WIPF3: variants seen among roughly 807,000 people sequenced by gnomAD.
WIPF3 encodes WAS/WASL-interacting protein family member 3.
WIPF3 carries 33 observed loss-of-function variants against 38.9 expected under a neutral mutation model. That is an observed-to-expected ratio of 0.85 (90% CI 0.64 to 1.14). WIPF3 has a LOEUF of 1.14. WIPF3 is among the 50% of genes most tolerant of loss of function. The probability of loss-of-function intolerance (pLI) is 0.00; values close to 1 mark genes in which losing one functional copy is unlikely to be tolerated. For synonymous variants in WIPF3, 324 were observed against 269.3 expected, an observed-to-expected ratio of 1.20 and a Z score of -1.99; for missense variants, 711 against 652.5, an observed-to-expected ratio of 1.09 and a Z score of -0.98.
intron 1 of WIPF3, among the ~76,000 whole-genome samples, 182 bp downstream of exon 1, chr7:29,806,860 C>G (rs1449223402): frequency 1.3e-5 from 2 of 151,366 alleles, no homozygotes; most frequent in East Asian, 2.0e-4. Flanking sequence ...AGGTTGTCGA[C>G]GTGCCGCGCG....
chr7:29,882,644 G>A (rs1785745194), intron 4 of WIPF3, among the ~76,000 whole-genome samples: 1 of 152,108 alleles, frequency 6.6e-6, no homozygotes, highest in Non-Finnish European at 1.5e-5. Context: ...CCCCTGATTG[G>A]GGTAAACACA....
rs1047564159 is a variant in WIPF3, at chr7:29,835,304, C to T, written c.90+490C>T. Reference sequence around the variant, plus strand: ...TTTCCCTATCTACACAAGACTGAATCGAGGCTATTTCAGTTCGTGTTGCTG... The same window carrying T: ...TTTCCCTATCTACACAAGACTGAATTGAGGCTATTTCAGTTCGTGTTGCTG... On this transcript the variant is annotated intron_variant, in intron 2 of 8. Coordinates refer to ENST00000242140, the MANE Select transcript of WIPF3 (RefSeq NM_001080529.3). Among the ~76,000 whole-genome samples the T allele has an allele frequency of 9.2e-5, 14 of 152,056 alleles. 1 individual carries two copies. Among genetic ancestry groups the T allele is most frequent in the Admixed American group, 7.9e-4 (12 of 15,272 alleles).
chr7:29,828,047 T>C (rs1409072492), intron 1 of WIPF3, among the ~76,000 whole-genome samples: 30 of 152,098 alleles, frequency 2.0e-4, no homozygotes, highest in Admixed American at 2.0e-3. Flanking sequence ...TATCTACCCA[T>C]GTCGGCCTCC....
At position 29,914,594 on chromosome 7, in the gene WIPF3, C is replaced by T. The variant is rs1194201435; in HGVS notation, c.*78C>T. 24 of 1,109,550 alleles carry T rather than the reference C, an allele frequency of 2.2e-5. No homozygotes were observed. The highest frequency in any genetic ancestry group is 1.6e-5 in the Non-Finnish European group (13 of 824,082). 68.7% of individuals were successfully genotyped at this position (1,109,550 alleles called of 1,614,324 possible). On this transcript the variant is annotated 3_prime_UTR_variant, in exon 9 of 9. Transcript: ENST00000242140. ...AGACCCCACCCACCCCATGCTCAAG[C>T]TGTAATTCAGTTGGCATACAGGCTT...
chr7:29,851,492 T>C (rs1303249377), intron 2 of WIPF3, among the ~76,000 whole-genome samples: 4 of 152,146 alleles, frequency 2.6e-5, no homozygotes, highest in Non-Finnish European at 5.9e-5. Context: ...GACCACTCCC[T>C]CCTCACCATT....
intron 4 of WIPF3, among the ~76,000 whole-genome samples, chr7:29,879,551 G>A (rs925293131): frequency 3.9e-5 from 6 of 152,208 alleles, no homozygotes; most frequent in Admixed American, 3.9e-4. Context: ...GTACTGCTGT[G>A]TAACGAAACA....
At chr7:29,870,671 C>T (rs1785478772) in intron 2 of WIPF3, among the ~76,000 whole-genome samples, 1 of 152,172 alleles carries the variant, frequency 6.6e-6, no homozygotes, top group African/African-American at 2.4e-5. Flanking sequence ...TTTGCTTTAC[C>T]TCCAGGGAAG....
At chr7:29,848,303 G>A (rs1175469316) in intron 2 of WIPF3, among the ~76,000 whole-genome samples, 1 of 152,164 alleles carries the variant, frequency 6.6e-6, no homozygotes, top group Non-Finnish European at 1.5e-5. Context: ...TAAACATTTG[G>A]AGAGGACTTT....
intron 2 of WIPF3, among the ~76,000 whole-genome samples, chr7:29,852,194 AC>A (rs1785110513): frequency 1.3e-5 from 2 of 152,048 alleles, no homozygotes; most frequent in South Asian, 4.1e-4. Context: ...TTTTGTAGAG[AC>A]AGGTCTCGCT....
chr7:29,834,631 A>C, intron 1 of WIPF3, 37 bp from the exon 2 acceptor site: 4 of 1,388,382 alleles, frequency 2.9e-6, no homozygotes, highest in Non-Finnish European at 3.7e-6. Context: ...TAAGTAAAGA[A>C]ATCCAAGTTT....
chr7:29,836,959 C>T (rs1311645269), intron 2 of WIPF3, among the ~76,000 whole-genome samples: 1 of 151,970 alleles, frequency 6.6e-6, no homozygotes, highest in Non-Finnish European at 1.5e-5. Context: ...CCACTGCACT[C>T]CAGCCTGGGT....
chr7:29,909,947 C>T (rs1041163092), intron 8 of WIPF3, among the ~76,000 whole-genome samples: 6 of 151,078 alleles, frequency 4.0e-5, no homozygotes, highest in Admixed American at 2.0e-4. Flanking sequence ...TACAAACTAG[C>T]GGGGGAGTGG....
chr7:29,901,793 A>G (rs1419711452), intron 7 of WIPF3, among the ~76,000 whole-genome samples: 6 of 144,642 alleles, frequency 4.1e-5, no homozygotes, highest in Non-Finnish European at 9.0e-5. Context: ...AGCTGAGATC[A>G]TGCCACTGCG....
chr7:29,835,517 G>C (rs1171264891), intron 2 of WIPF3, among the ~76,000 whole-genome samples: 1 of 152,094 alleles, frequency 6.6e-6, no homozygotes, highest in African/African-American at 2.4e-5. Flanking sequence ...CTACCCACTA[G>C]ATGCCAGTAG....
At chr7:29,809,051 T>G (rs1247113925) in intron 1 of WIPF3, among the ~76,000 whole-genome samples, 2 of 152,212 alleles carry the variant, frequency 1.3e-5, no homozygotes, top group African/African-American at 2.4e-5. Flanking sequence ...AAATGTGTTT[T>G]CTAGCAAATG....
chr7:29,835,530 C>T lies in WIPF3; in HGVS notation c.90+716C>T, dbSNP rs1295451644. Among the ~76,000 whole-genome samples, 22 of 152,090 alleles carry T rather than the reference C, an allele frequency of 1.4e-4. 1 individual carries two copies. Among genetic ancestry groups the T allele is most frequent in the Non-Finnish European group, 1.5e-5 (1 of 68,016 alleles). On this transcript the variant is annotated intron_variant, in intron 2 of 8. Transcript: ENST00000242140. ...ATCTACCCACTAGATGCCAGTAGCA[C>T]CCCCCAATTGTGGCAGTAAAAAAAT... is the stretch of plus-strand genomic sequence containing the variant.
chr7:29,826,363 G>A (rs918651540), intron 1 of WIPF3, among the ~76,000 whole-genome samples: 3 of 152,034 alleles, frequency 2.0e-5, no homozygotes, highest in Non-Finnish European at 4.4e-5. Context: ...CCCCAACTCC[G>A]ACCTACTGAA....
At chr7:29,891,093 T>C (rs1786007342) in intron 7 of WIPF3, among the ~76,000 whole-genome samples, 1 of 143,656 alleles carries the variant, frequency 7.0e-6, no homozygotes, top group African/African-American at 2.6e-5. Context: ...GCCTTCCCTG[T>C]GCTCAGGTCG....
chr7:29,867,850 A>G (rs1244269249), intron 2 of WIPF3, among the ~76,000 whole-genome samples: 1 of 152,134 alleles, frequency 6.6e-6, no homozygotes, highest in East Asian at 1.9e-4. Context: ...GGAGCAGATA[A>G]ATGTCAGGGG....
Sources: allele counts gnomAD v4.1 joint callset (sites outside exome capture counted in the v4.1 genomes callset), GRCh38; gene constraint gnomAD v4.1.1; transcripts MANE v1.5; gene names NCBI Gene and HGNC (gene_info 2026-07-23, HGNC 2026-07-21).